The following SMARCA4 variants were observed in gnomAD, a reference collection of about 807,000 sequenced individuals.
The protein encoded by SMARCA4 is SWI/SNF-related matrix-associated actin-dependent regulator of chromatin subfamily A member 4.
SMARCA4 carries 31 observed loss-of-function variants against 193.9 expected under a neutral mutation model. That is an observed-to-expected ratio of 0.16 (90% CI 0.12 to 0.22). The LOEUF is 0.22. Ranked by LOEUF, SMARCA4 falls within the 10% of genes least tolerant of loss-of-function variation. The pLI is 1.00. For synonymous variants in SMARCA4, 942 were observed against 933.1 expected (o/e 1.01, Z -0.17); for missense variants, 1,148 against 2,296.0 (o/e 0.50, Z 10.22).
intron 30 of SMARCA4, among the ~76,000 whole-genome samples, chr19:11,057,693 C>T (rs1343828775): frequency 2.0e-5 from 3 of 151,822 alleles, no homozygotes; most frequent in African/African-American, 7.3e-5. Context: ...CATTCCATTG[C>T]GCTCCAGTCT....
intron 1 of SMARCA4, among the ~76,000 whole-genome samples, chr19:10,971,648 C>T (rs1039909502): frequency 6.6e-6 from 1 of 152,012 alleles, no homozygotes; most frequent in Admixed American, 6.6e-5. Flanking sequence ...TTGTATTTTT[C>T]GTAGAGACGA....
In SMARCA4 at chr19:11,023,562, C is replaced by A. The variant is rs779863039; in HGVS notation, c.2904C>A (p.Leu968=). 2.5e-6 allele frequency: 4 copies of A among 1,613,502 alleles called. No homozygotes were observed. Among genetic ancestry groups the A allele is most frequent in the Admixed American group, 1.7e-5 (1 of 59,938 alleles). Residue 968 remains leucine (L), a synonymous_variant, in exon 20 of 35, where the codon CTC becomes CTA. Coordinates refer to ENST00000344626, the MANE Select transcript of SMARCA4 (RefSeq NM_003072.5). ...EEETILIIRR[L]HKVLRPFLLR... is the part of the protein sequence containing the mutation. ...AAACCATTCTCATCATCCGGCGTCTCCACAAAGTGCTGCGGCCCTTCTTGC... is the reference window on the plus strand; with the variant it reads ...AAACCATTCTCATCATCCGGCGTCTACACAAAGTGCTGCGGCCCTTCTTGC...
At position 11,033,992 on chromosome 19, in the gene SMARCA4, T is replaced by C; in HGVS notation, c.3873+127T>C. 1 of 773,160 alleles carries C rather than the reference T, an allele frequency of 1.3e-6. No individual in the cohort carries two copies. Among genetic ancestry groups the C allele is most frequent in the Non-Finnish European group, 2.3e-6 (1 of 426,310 alleles). 47.9% of individuals were successfully genotyped at this position (773,160 alleles called of 1,614,324 possible). A position where few individuals can be genotyped will look rare whatever the true frequency, so the allele number is the denominator to read the frequency against. ...CGTGTGTGTGCCTTTCGCTGCCGTG[T>C]GGGTCCCCATCCACCGCAGCCGTGC... On this transcript the variant is annotated intron_variant, in intron 27 of 34. Coordinates refer to ENST00000344626, the MANE Select transcript of SMARCA4 (RefSeq NM_003072.5). The surrounding 1 kb of genome is among the most constrained non-coding windows in gnomAD (Gnocchi z 9.8).
At chr19:10,989,265 T>C (rs1354061239) in intron 6 of SMARCA4, 52 bp from the exon 7 acceptor site, 2 of 1,610,914 alleles carry the variant, frequency 1.2e-6, no homozygotes, top group Non-Finnish European at 1.7e-6. Context: ...CAGCTGTAAC[T>C]GGGTGCCCTG....
intron 15 of SMARCA4, chr19:11,011,210 A>G (rs948544485): frequency 3.3e-5 from 5 of 153,110 alleles, no homozygotes; most frequent in African/African-American, 1.2e-4. Flanking sequence ...CTGGTTTTCA[A>G]TTTGGTTGTT....
chr19:11,005,841 A>C (rs2088148050), intron 13 of SMARCA4, among the ~76,000 whole-genome samples: 1 of 152,232 alleles, frequency 6.6e-6, no homozygotes, highest in African/African-American at 2.4e-5. Flanking sequence ...TGATTCTAGT[A>C]GACCTTTGGT....
In SMARCA4 at chr19:11,033,724, G is replaced by A. The variant is rs778194648; in HGVS notation, c.3775-43G>A. The A allele has an allele frequency of 2.1e-5, 16 of 779,886 alleles. No individual in the cohort carries two copies. Among genetic ancestry groups the A allele is most frequent in the South Asian group, 1.1e-4 (8 of 74,560 alleles). 48.3% of individuals were successfully genotyped at this position (779,886 alleles called of 1,614,324 possible). ...TTCTAAACTGCTGGTGAAAGACGCCGGATTGACAGCCCTGGAGACTGAAGT... is the reference window on the plus strand; with the variant it reads ...TTCTAAACTGCTGGTGAAAGACGCCAGATTGACAGCCCTGGAGACTGAAGT... On this transcript the variant is annotated intron_variant, in intron 26 of 34. Transcript: ENST00000344626. This position sits in a 1 kb window ranked among gnomAD's most constrained non-coding sequence, Gnocchi z 9.8.
chr19:11,052,579 C>T (rs1395646837), intron 30 of SMARCA4, among the ~76,000 whole-genome samples: 1 of 152,276 alleles, frequency 6.6e-6, no homozygotes, highest in Non-Finnish European at 1.5e-5. Context: ...TGCCTGCTCA[C>T]TTCCCAATGT....
At chr19:10,975,162 A>G (rs1373578135) in intron 1 of SMARCA4, among the ~76,000 whole-genome samples, 1 of 146,320 alleles carries the variant, frequency 6.8e-6, no homozygotes, top group Non-Finnish European at 1.5e-5. Context: ...GACTACAGGC[A>G]TGCACCATTA....
At chr19:10,964,634 T>A (rs1338816079) in intron 1 of SMARCA4, among the ~76,000 whole-genome samples, 1 of 149,146 alleles carries the variant, frequency 6.7e-6, no homozygotes, top group African/African-American at 2.5e-5. Flanking sequence ...TTTTTTTTTC[T>A]TATGAGACAG....
intron 7 of SMARCA4, among the ~76,000 whole-genome samples, chr19:10,989,878 A>G (rs900166398): frequency 6.6e-6 from 1 of 151,796 alleles, no homozygotes; most frequent in African/African-American, 2.4e-5. Flanking sequence ...TTATATTTTT[A>G]GTAGAGACAG....
At chr19:11,052,076 C>T (rs1329299425) in intron 30 of SMARCA4, among the ~76,000 whole-genome samples, 2 of 151,990 alleles carry the variant, frequency 1.3e-5, no homozygotes, top group Non-Finnish European at 2.9e-5. Flanking sequence ...GCCTGGGCAA[C>T]AGAGCGAGAC....
At chr19:10,989,616 G>A (rs1400828657) in intron 7 of SMARCA4, among the ~76,000 whole-genome samples, 173 bp downstream of exon 7, 2 of 152,088 alleles carry the variant, frequency 1.3e-5, no homozygotes, top group South Asian at 2.1e-4. Context: ...TACGGCCTGC[G>A]CAGTGCTGGG....
chr19:10,994,663 G>C (rs778797879), intron 8 of SMARCA4, among the ~76,000 whole-genome samples, 165 bp from the exon 9 acceptor site: 4 of 151,880 alleles, frequency 2.6e-5, no homozygotes, highest in Non-Finnish European at 4.4e-5. Context: ...GTTTCACCGT[G>C]TTAGCCAGGA....
intron 1 of SMARCA4, among the ~76,000 whole-genome samples, chr19:10,966,871 G>A (rs1004089678): frequency 1.4e-5 from 2 of 144,392 alleles, no homozygotes; most frequent in Admixed American, 7.0e-5. Flanking sequence ...CTGGGCGACA[G>A]AGCAAGACTA....
chr19:11,027,657 A>T (rs1490022096), intron 23 of SMARCA4, 127 bp from the exon 24 acceptor site: 3 of 968,256 alleles, frequency 3.1e-6, no homozygotes, highest in Non-Finnish European at 4.9e-6. Flanking sequence ...TCTGCTTAGG[A>T]TGCATGTCTG....
At chr19:10,995,324 A>T in intron 9 of SMARCA4, 2 of 527,082 alleles carry the variant, frequency 3.8e-6, no homozygotes, top group Non-Finnish European at 7.3e-6. Context: ...TAGCATAAAC[A>T]TCTCTGACCA....
Position 11,058,706 on chromosome 19 carries a change from T to TG in SMARCA4, c.4534-78dup. The TG allele has an allele frequency of 8.4e-7, 1 of 1,186,590 alleles. No individual in the cohort carries two copies. The highest frequency in any genetic ancestry group is 1.3e-6 in the Non-Finnish European group (1 of 795,252). The allele number at this position is 1,186,590 out of a possible 1,614,324, so 73.5% of individuals were successfully genotyped here. A position where few individuals can be genotyped will look rare whatever the true frequency, so the allele number is the denominator to read the frequency against. On this transcript the variant is annotated intron_variant, in intron 31 of 34. Coordinates refer to ENST00000344626, the MANE Select transcript of SMARCA4 (RefSeq NM_003072.5). This position sits in a 1 kb window ranked among gnomAD's most constrained non-coding sequence, Gnocchi z 5.8. ...CATAGGCACGAGGAATCCTAGCCCG[T>TG]GGGGTCTCCAGCACACAGCCAGGCC...
Position 11,019,444 on chromosome 19 carries a change from G to A in SMARCA4, c.2506-147G>A, listed in dbSNP as rs957990288. 6 of 659,980 alleles carry A rather than the reference G, an allele frequency of 9.1e-6. No individual in the cohort carries two copies. The highest frequency in any genetic ancestry group is 1.7e-5 in the Non-Finnish European group (6 of 362,724). 40.9% of individuals were successfully genotyped at this position (659,980 alleles called of 1,614,324 possible). A position where few individuals can be genotyped will look rare whatever the true frequency, so the allele number is the denominator to read the frequency against. On this transcript the variant is annotated intron_variant, in intron 17 of 34. Transcript: ENST00000344626. The surrounding 1 kb of genome is among the most constrained non-coding windows in gnomAD (Gnocchi z 6.1). The stretch of plus-strand genomic sequence containing the variant: ...TGGTGAGGTCTGGGGACGCGCCAGC[G>A]GCCCTGCCAGCCCCTTTCCCCACTA...
Sources: gnomAD v4.1 joint callset for allele counts (sites outside exome capture counted in the v4.1 genomes callset) on GRCh38, gnomAD v4.1.1 for gene constraint, Gnocchi (gnomAD v3.1) non-coding constraint, MANE v1.5 for transcripts, NCBI Gene and HGNC (gene_info 2026-07-23, HGNC 2026-07-21) for gene names.